Variants in PI4K2B observed in about 807,000 individuals in gnomAD.
PI4K2B encodes phosphatidylinositol 4-kinase type 2 beta.
In PI4K2B, 46 loss-of-function variants were observed where a neutral mutation model predicts 56.6. The ratio of observed to expected loss-of-function variants is 0.81; its 90% CI spans 0.64 to 1.04. The LOEUF is 1.04. PI4K2B is among the 50% of genes least tolerant of loss of function. The pLI is 0.00. For synonymous variants in PI4K2B, 211 were observed against 223.8 expected (o/e 0.94, Z 0.51); for missense variants, 556 against 607.7 (o/e 0.91, Z 0.89).
chr4:25,260,869 A>ATTTTTT (rs60224286), intron 6 of PI4K2B, among the ~76,000 whole-genome samples: 1 of 105,514 alleles, frequency 9.5e-6, no homozygotes, highest in African/African-American at 3.8e-5. Context: ...TTGATTCTTG[A>ATTTTTT]TTTTTTTTTT....
At chr4:25,263,345 A>G (rs1208338555) in intron 6 of PI4K2B, among the ~76,000 whole-genome samples, 1 of 152,162 alleles carries the variant, frequency 6.6e-6, no homozygotes, top group Non-Finnish European at 1.5e-5. Flanking sequence ...TTTCTTTGGG[A>G]CCCTAAGAAA....
intron 1 of PI4K2B, among the ~76,000 whole-genome samples, chr4:25,246,407 T>A (rs1040517400): frequency 1.6e-4 from 24 of 152,338 alleles, no homozygotes; most frequent in Middle Eastern, 3.4e-3. Flanking sequence ...AAGTTCTCCA[T>A]GTCCCCACTA....
chr4:25,235,997 AT>A (rs1291225940), intron 1 of PI4K2B, among the ~76,000 whole-genome samples: 2 of 120,704 alleles, frequency 1.7e-5, no homozygotes, highest in African/African-American at 5.0e-5. Context: ...TCTATAAAAA[AT>A]AAACAACAAC....
Position 25,243,693 on chromosome 4 carries a change from A to T in PI4K2B, c.269-8628A>T, listed in dbSNP as rs1206303552. Among the ~76,000 whole-genome samples, 3 of 152,096 alleles carry T rather than the reference A, an allele frequency of 2.0e-5. No individual in the cohort carries two copies. In the East Asian group the frequency reaches 5.8e-4, roughly 29 times the overall value. ...AGTGATTCAGGTGACTGGGGAGTAT[A>T]TTTTCTTAAGGCCTCTCGTAGCCGC... On this transcript the variant is annotated intron_variant, in intron 1 of 9. Transcript: ENST00000264864.
intron 1 of PI4K2B, among the ~76,000 whole-genome samples, chr4:25,246,219 G>A (rs1715771047): frequency 6.6e-6 from 1 of 152,050 alleles, no homozygotes; most frequent in African/African-American, 2.4e-5. Context: ...AAGGGGACCT[G>A]AGTGGGTTGC....
intron 1 of PI4K2B, among the ~76,000 whole-genome samples, chr4:25,245,784 C>T (rs1715741068): frequency 6.6e-6 from 1 of 152,174 alleles, no homozygotes; most frequent in Non-Finnish European, 1.5e-5. Context: ...GCGATGGTCT[C>T]ACTGCTCGGT....
chr4:25,250,064 C>G (rs546726925), intron 1 of PI4K2B, among the ~76,000 whole-genome samples: 86 of 152,276 alleles, frequency 5.6e-4, no homozygotes, highest in Admixed American at 1.4e-3. Flanking sequence ...CCAAAAAATA[C>G]GAAAACCAGT....
At chr4:25,235,437 T>A (rs1715217879) in intron 1 of PI4K2B, among the ~76,000 whole-genome samples, 1 of 152,222 alleles carries the variant, frequency 6.6e-6, no homozygotes, top group Non-Finnish European at 1.5e-5. Flanking sequence ...TCCTTTACAG[T>A]TTAAAGAATT....
At chr4:25,251,230 G>A (rs1716035621) in intron 1 of PI4K2B, among the ~76,000 whole-genome samples, 1 of 152,150 alleles carries the variant, frequency 6.6e-6, no homozygotes, top group Non-Finnish European at 1.5e-5. Context: ...CAGTGCTGGG[G>A]GCTGGTCGTA....
At position 25,234,199 on chromosome 4, in the gene PI4K2B, C is replaced by T. The variant is rs905658090; in HGVS notation, c.36C>T (p.Ser12=). The stretch of plus-strand genomic sequence containing the variant: ...CCTCCGAGCCCGACCGGTTGGCGTC[C>T]GCGGACGGCGGGAGCCCGGAGGAGG... ...EDPSEPDRLA[S]ADGGSPEEEE... is the part of the protein sequence containing the mutation. Residue 12 remains serine, a synonymous_variant, in exon 1 of 10, where the codon TCC becomes TCT. Transcript: ENST00000264864. 6 of 1,403,656 alleles carry T rather than the reference C, an allele frequency of 4.3e-6. No individual in the cohort carries two copies. Among genetic ancestry groups the T allele is most frequent in the Middle Eastern group, 4.1e-4 (2 of 4,926 alleles). The allele number at this position is 1,403,656 out of a possible 1,614,324, so 87.0% of individuals were successfully genotyped here. A position where few individuals can be genotyped will look rare whatever the true frequency, so the allele number is the denominator to read the frequency against.
At chr4:25,260,131 C>T (rs1716405029) in intron 5 of PI4K2B, among the ~76,000 whole-genome samples, 1 of 152,168 alleles carries the variant, frequency 6.6e-6, no homozygotes, top group Non-Finnish European at 1.5e-5. Context: ...TAGACTACTT[C>T]TATGCTGACA....
chr4:25,278,446 GTGTT>G lies in PI4K2B; in HGVS notation c.*1265_*1268del, dbSNP rs1717185110. The G allele has an allele frequency of 6.6e-6, 1 of 152,168 alleles. No individual in the cohort carries two copies. The highest frequency in any genetic ancestry group is 1.5e-5 in the Non-Finnish European group (1 of 68,012). 9.4% of individuals were successfully genotyped at this position (152,168 alleles called of 1,614,324 possible). ...TTTTGTTTTCTAAGCTTACTATCTT[GTGTT>G]TGTTTATTTGCTTTTAATGAAGTAT... is the stretch of plus-strand genomic sequence containing the variant. On this transcript the variant is annotated 3_prime_UTR_variant, in exon 10 of 10. Coordinates refer to ENST00000264864, the MANE Select transcript of PI4K2B (RefSeq NM_018323.4).
chr4:25,249,271 T>C (rs1032095982), intron 1 of PI4K2B, among the ~76,000 whole-genome samples: 2 of 152,282 alleles, frequency 1.3e-5, no homozygotes, highest in East Asian at 3.9e-4. Context: ...TTCCCCCTTA[T>C]CTATTCGACA....
In PI4K2B at chr4:25,277,457, A is replaced by T. The variant is rs1184638264; in HGVS notation, c.*270A>T. On this transcript the variant is annotated 3_prime_UTR_variant, in exon 10 of 10. Coordinates refer to ENST00000264864, the MANE Select transcript of PI4K2B (RefSeq NM_018323.4). ...GTTAGTTTAAAAGGTAATTTTACAC[A>T]TGCTGGAATGACTGTAATTACTCTA... 4.2e-6 allele frequency: 1 copy of T among 239,852 alleles called. No individual in the cohort carries two copies. Among genetic ancestry groups the T allele is most frequent in the Non-Finnish European group, 8.1e-6 (1 of 123,978 alleles). The allele number at this position is 239,852 out of a possible 1,614,324, so 14.9% of individuals were successfully genotyped here. A position where few individuals can be genotyped will look rare whatever the true frequency, so the allele number is the denominator to read the frequency against.
At chr4:25,238,366 T>C (rs1715356968) in intron 1 of PI4K2B, among the ~76,000 whole-genome samples, 1 of 152,228 alleles carries the variant, frequency 6.6e-6, no homozygotes, top group Admixed American at 6.5e-5. Flanking sequence ...ATTAATTTCA[T>C]AAAGGTAGTT....
At chr4:25,260,443 GA>G in intron 5 of PI4K2B, 80 bp from the exon 6 acceptor site, 1 of 542,552 alleles carries the variant, frequency 1.8e-6, no homozygotes, top group South Asian at 3.0e-5. Context: ...AAAATCAGGA[GA>G]TCACTAGAGT....
intron 1 of PI4K2B, among the ~76,000 whole-genome samples, chr4:25,239,564 C>T (rs796291823): frequency 4.7e-4 from 28 of 60,164 alleles, no homozygotes; most frequent in African/African-American, 8.2e-4. Context: ...CCGGAACTCG[C>T]GCTGGCCCGC....
intron 2 of PI4K2B, among the ~76,000 whole-genome samples, chr4:25,253,459 A>T (rs1162160797): frequency 6.6e-6 from 1 of 152,230 alleles, no homozygotes; most frequent in East Asian, 1.9e-4. Flanking sequence ...TTCTATTTTT[A>T]AAATGATTTT....
In PI4K2B at chr4:25,252,390, C is replaced by A. The variant is rs768015752; in HGVS notation, c.338C>A (p.Ala113Glu). ...DPEFADIMLR[A>E]EQAIEVGIFP... ...GAATTTGCCGATATTATGCTGAGAG[C>A]AGAGCAAGCAATAGAAGTTGGAATT... is the stretch of plus-strand genomic sequence containing the variant. The change falls in exon 2 of 10, where the codon GCA (alanine) becomes GAA (glutamate). Residue 113 changes from alanine to glutamate, a missense_variant. Coordinates refer to ENST00000264864, the MANE Select transcript of PI4K2B (RefSeq NM_018323.4). 2 of 1,606,282 alleles carry A rather than the reference C, an allele frequency of 1.2e-6. No individual in the cohort carries two copies. The highest frequency in any genetic ancestry group is 2.2e-5 in the East Asian group (1 of 44,844).
Sources: allele counts gnomAD v4.1 joint callset (sites outside exome capture counted in the v4.1 genomes callset), GRCh38; gene constraint gnomAD v4.1.1; transcripts MANE v1.5; gene names NCBI Gene and HGNC (gene_info 2026-07-23, HGNC 2026-07-21).